The following STRBP variants were observed in gnomAD, a reference collection of about 807,000 sequenced individuals.
STRBP encodes the protein spermatid perinuclear RNA binding protein, also known as spermatid perinuclear RNA-binding protein.
STRBP carries 13 observed loss-of-function variants against 80.1 expected under a neutral mutation model. The observed-to-expected ratio is 0.16, with a 90% CI of 0.11 to 0.26. The LOEUF is 0.26. STRBP is among the 10% of genes least tolerant of loss of function. The pLI is 1.00. For synonymous variants in STRBP, 284 were observed against 291.2 expected (o/e 0.98, Z 0.25); for missense variants, 485 against 815.2 (o/e 0.59, Z 4.93).
chr9:123,256,302 C>T (rs2041028894), intron 1 of STRBP, among the ~76,000 whole-genome samples: 1 of 152,042 alleles, frequency 6.6e-6, no homozygotes, highest in Non-Finnish European at 1.5e-5. Context: ...ATATATATAC[C>T]TACTTCCACT....
chr9:123,161,449 C>G (rs2037519701), intron 6 of STRBP, among the ~76,000 whole-genome samples: 1 of 152,132 alleles, frequency 6.6e-6, no homozygotes, highest in Non-Finnish European at 1.5e-5. Flanking sequence ...GGACCAATAG[C>G]ATTAACAATT....
chr9:123,265,459 G>C (rs2041247427), intron 1 of STRBP, among the ~76,000 whole-genome samples: 1 of 152,162 alleles, frequency 6.6e-6, no homozygotes, highest in African/African-American at 2.4e-5. Context: ...AGTGATAATT[G>C]AAGTTATTTC....
In STRBP at chr9:123,124,724, A is replaced by G. The variant is rs1349858544; in HGVS notation, c.*873T>C. ...ACAAGAGAGGGTGATTGATTGATTA[A>G]TTTATTATTTTTAAAAACTTGGAAA... On this transcript the variant is annotated 3_prime_UTR_variant, in exon 19 of 19. Coordinates refer to ENST00000348403, the MANE Select transcript of STRBP (RefSeq NM_018387.5). 7 of 985,280 alleles carry G rather than the reference A, an allele frequency of 7.1e-6. No homozygotes were observed. The highest frequency in any genetic ancestry group is 8.4e-6 in the Non-Finnish European group (7 of 829,896). The allele number at this position is 985,280 out of a possible 1,614,324, so 61.0% of individuals were successfully genotyped here.
chr9:123,163,597 T>C (rs1291882701), intron 6 of STRBP, among the ~76,000 whole-genome samples: 1 of 152,190 alleles, frequency 6.6e-6, no homozygotes, highest in East Asian at 1.9e-4. Flanking sequence ...TAATAATTCA[T>C]CTCATTTTAT....
At position 123,262,431 on chromosome 9, in the gene STRBP, A is replaced by G. The variant is rs2041178178; in HGVS notation, c.-302+6005T>C. Among the ~76,000 whole-genome samples, 7 of 152,346 alleles carry G rather than the reference A, an allele frequency of 4.6e-5. No homozygotes were observed. The South Asian group carries it at 1.0e-3, about 23-fold the overall frequency. On this transcript the variant is annotated intron_variant, in intron 1 of 18. Transcript: ENST00000348403. ...AAAATCCTGGCACCTGGAAAACTGCAAAGAACAGGAAATTCTGCAGGTGCA... is the reference window on the plus strand; with the variant it reads ...AAAATCCTGGCACCTGGAAAACTGCGAAGAACAGGAAATTCTGCAGGTGCA...
intron 1 of STRBP, among the ~76,000 whole-genome samples, chr9:123,252,112 A>G (rs2040930771): frequency 6.6e-6 from 1 of 152,154 alleles, no homozygotes; most frequent in Admixed American, 6.5e-5. Context: ...GTTGCAGGAA[A>G]TGGTGAAAAC....
intron 14 of STRBP, among the ~76,000 whole-genome samples, chr9:123,138,578 T>C (rs570301002): frequency 6.6e-6 from 1 of 152,348 alleles, no homozygotes; most frequent in African/African-American, 2.4e-5. Context: ...TGGACTCCCT[T>C]TGATTTTACA....
At chr9:123,116,010 C>G (rs185260716) in exon 3 of STRBP, 3 of 456,192 alleles carry the variant, frequency 6.6e-6, no homozygotes, top group East Asian at 6.9e-5. Flanking sequence ...TTTCAAGGTG[C>G]TTTCAGCTTT....
intron 2 of STRBP, among the ~76,000 whole-genome samples, chr9:123,198,165 G>C (rs548175546): frequency 1.3e-5 from 2 of 151,730 alleles, no homozygotes; most frequent in East Asian, 1.9e-4. Flanking sequence ...TTTTGAGACA[G>C]AGTCTCACTC....
intron 2 of STRBP, chr9:123,214,035 A>T (rs1454268269): frequency 6.6e-6 from 1 of 152,078 alleles, no homozygotes; most frequent in Non-Finnish European, 1.5e-5. Flanking sequence ...AGATACTTGT[A>T]CATGCATGTT....
At chr9:123,239,506 C>A (rs2040647752) in intron 1 of STRBP, among the ~76,000 whole-genome samples, 2 of 152,308 alleles carry the variant, frequency 1.3e-5, no homozygotes, top group South Asian at 4.1e-4. Context: ...CTACTCTGAC[C>A]TCATTTGTAC....
chr9:123,220,444 G>C (rs2040031124), intron 2 of STRBP, among the ~76,000 whole-genome samples: 1 of 152,212 alleles, frequency 6.6e-6, no homozygotes, highest in South Asian at 2.1e-4. Flanking sequence ...AAAAAGTACA[G>C]TAAAAATATG....
chr9:123,204,920 T>C (rs1394058353), intron 2 of STRBP, among the ~76,000 whole-genome samples: 1 of 70,194 alleles, frequency 1.4e-5, no homozygotes, highest in Admixed American at 2.1e-4. Context: ...CAGGACTCCA[T>C]CTCAAAAAAA....
intron 2 of STRBP, among the ~76,000 whole-genome samples, chr9:123,208,203 G>A (rs926664691): frequency 6.6e-6 from 1 of 151,826 alleles, no homozygotes; most frequent in African/African-American, 2.4e-5. Flanking sequence ...GTATTCGAGG[G>A]TGCTGGCTAA....
intron 6 of STRBP, chr9:123,168,070 C>T: frequency 3.6e-6 from 1 of 279,744 alleles, no homozygotes; most frequent in East Asian, 1.7e-4. Context: ...TAGCCTTTGG[C>T]AACTTCAGTC....
chr9:123,257,233 C>T (rs1034237939), intron 1 of STRBP, among the ~76,000 whole-genome samples: 3 of 152,126 alleles, frequency 2.0e-5, no homozygotes, highest in African/African-American at 7.2e-5. Flanking sequence ...CTATTCCCTC[C>T]ATATGGAATT....
At chr9:123,214,145 TACACACACACACACACACACAC>T (rs138090782) in intron 2 of STRBP, among the ~76,000 whole-genome samples, 1 of 141,352 alleles carries the variant, frequency 7.1e-6, no homozygotes, top group African/African-American at 2.6e-5. Flanking sequence ...TATATATGTA[TACACACACACACACACACACAC>T]ACACACACAC....
chr9:123,177,122 A>T (rs2038252827), intron 4 of STRBP, among the ~76,000 whole-genome samples: 1 of 152,222 alleles, frequency 6.6e-6, no homozygotes, highest in African/African-American at 2.4e-5. Context: ...TCCTTGGAAT[A>T]CATGCCAGCC....
chr9:123,212,938 A>C (rs1302969855), intron 2 of STRBP, among the ~76,000 whole-genome samples: 1 of 152,258 alleles, frequency 6.6e-6, no homozygotes, highest in Non-Finnish European at 1.5e-5. Flanking sequence ...GGCAGAGATT[A>C]AGTGCAAATT....
Sources: allele counts gnomAD v4.1 joint callset (sites outside exome capture counted in the v4.1 genomes callset), GRCh38; gene constraint gnomAD v4.1.1; transcripts MANE v1.5; gene names NCBI Gene and HGNC (gene_info 2026-07-23, HGNC 2026-07-21).